The following KHDRBS2 variants were observed in gnomAD, a reference collection of about 807,000 sequenced individuals.
KHDRBS2 encodes the protein KH RNA binding domain containing, signal transduction associated 2.
In KHDRBS2, 26 loss-of-function variants were observed where a neutral mutation model predicts 44.3. The ratio of observed to expected loss-of-function variants is 0.59; its 90% CI spans 0.43 to 0.81. The LOEUF (loss-of-function observed/expected upper bound fraction) is 0.81. KHDRBS2 is among the 40% of genes least tolerant of loss of function. The probability of loss-of-function intolerance (pLI) is 0.00; values close to 1 mark genes in which losing one functional copy is unlikely to be tolerated. For synonymous variants in KHDRBS2, 194 were observed against 151.1 expected (o/e 1.28, Z -2.08); for missense variants, 476 against 433.1 (o/e 1.10, Z -0.88).
intron 2 of KHDRBS2, among the ~76,000 whole-genome samples, chr6:62,153,045 C>A (rs1815569850): frequency 6.6e-6 from 1 of 152,166 alleles, no homozygotes; most frequent in Non-Finnish European, 1.5e-5. Context: ...GGAGGGGAAA[C>A]CCTGGATTTT....
At chr6:61,561,193 C>T in the KHDRBS2 span, among the ~76,000 whole-genome samples, 1 of 151,668 alleles carries the variant, frequency 6.6e-6, no homozygotes, top group Non-Finnish European at 1.5e-5. Flanking sequence ...GAGACTCTCT[C>T]TCTCTCTCTC....
intron 4 of KHDRBS2, among the ~76,000 whole-genome samples, chr6:61,901,601 C>T (rs193052511): frequency 1.3e-5 from 2 of 152,200 alleles, no homozygotes; most frequent in Admixed American, 6.5e-5. Flanking sequence ...AAGTACTCAG[C>T]AGGACATCAC....
the KHDRBS2 span, among the ~76,000 whole-genome samples, chr6:61,663,238 C>G: frequency 1.3e-4 from 12 of 92,254 alleles, no homozygotes; most frequent in Non-Finnish European, 2.1e-4. Context: ...CATCACACAC[C>G]AGGGCCTGTT....
intron 3 of KHDRBS2, among the ~76,000 whole-genome samples, chr6:62,041,623 A>G (rs1178970535): frequency 1.3e-5 from 2 of 152,146 alleles, no homozygotes; most frequent in Admixed American, 1.3e-4. Context: ...ACAAGTTACT[A>G]TACAAGTAGC....
chr6:61,927,046 T>C (rs971273021), intron 4 of KHDRBS2, among the ~76,000 whole-genome samples: 7 of 152,126 alleles, frequency 4.6e-5, no homozygotes, highest in African/African-American at 1.7e-4. Flanking sequence ...TGACCCTATG[T>C]CACTCAGAAG....
intron 1 of KHDRBS2, among the ~76,000 whole-genome samples, chr6:62,235,580 G>C (rs1358015005): frequency 6.6e-6 from 1 of 151,914 alleles, no homozygotes; most frequent in African/African-American, 2.4e-5. Context: ...TATTTTTAAA[G>C]TCTGTCCCAG....
Position 62,241,693 on chromosome 6 carries a change from GT to G in KHDRBS2, c.91+44164del, listed in dbSNP as rs542073511. 5.0e-3 allele frequency among the ~76,000 whole-genome samples: 737 copies of G among 148,652 alleles called. 1 individual carries two copies. Among genetic ancestry groups the G allele is most frequent in the Non-Finnish European group, 7.5e-3 (510 of 67,966 alleles). On this transcript the variant is annotated intron_variant, in intron 1 of 8. Transcript: ENST00000281156. ...AATTACTGAAATATATTATGTCTAA[GT>G]TTTTATTTGACCACAGGGATAATAA... is the stretch of plus-strand genomic sequence containing the variant.
chr6:62,197,171 A>G (rs1335603529), intron 1 of KHDRBS2, among the ~76,000 whole-genome samples: 2 of 152,146 alleles, frequency 1.3e-5, no homozygotes, highest in East Asian at 3.9e-4. Flanking sequence ...AAAAATGGGT[A>G]TTAAATTATA....
intron 4 of KHDRBS2, among the ~76,000 whole-genome samples, chr6:61,932,058 A>G (rs1810157819): frequency 6.6e-6 from 1 of 152,276 alleles, no homozygotes; most frequent in African/African-American, 2.4e-5. Flanking sequence ...AAATGTGTCA[A>G]TTGACATTTT....
chr6:61,768,022 G>C (rs1384307809), intron 6 of KHDRBS2, among the ~76,000 whole-genome samples: 1 of 152,020 alleles, frequency 6.6e-6, no homozygotes, highest in Admixed American at 6.6e-5. Context: ...CTTTCAGATT[G>C]AAGAACTTCC....
intron 3 of KHDRBS2, among the ~76,000 whole-genome samples, chr6:62,037,376 C>A (rs1427175410): frequency 6.6e-6 from 1 of 150,732 alleles, no homozygotes; most frequent in Non-Finnish European, 1.5e-5. Context: ...AAATCTCTCA[C>A]ACATTCAAGA....
chr6:62,169,016 T>C (rs1160455225), intron 2 of KHDRBS2, among the ~76,000 whole-genome samples: 2 of 128,918 alleles, frequency 1.6e-5, no homozygotes, highest in South Asian at 2.5e-4. Context: ...ATGTTAAGAA[T>C]AGTGTTTGTT....
intron 3 of KHDRBS2, among the ~76,000 whole-genome samples, chr6:61,981,420 A>G (rs1218753991): frequency 6.6e-6 from 1 of 150,750 alleles, no homozygotes; most frequent in Non-Finnish European, 1.5e-5. Flanking sequence ...TCACATCTTT[A>G]ATTATTTATG....
At chr6:61,996,176 C>T (rs574077875) in intron 3 of KHDRBS2, among the ~76,000 whole-genome samples, 1 of 152,194 alleles carries the variant, frequency 6.6e-6, no homozygotes, top group Non-Finnish European at 1.5e-5. Flanking sequence ...TGTTTTAATA[C>T]TTTATAAAAG....
chr6:62,021,995 T>C (rs1017134001), intron 3 of KHDRBS2, among the ~76,000 whole-genome samples: 6 of 149,276 alleles, frequency 4.0e-5, no homozygotes, highest in Non-Finnish European at 4.5e-5. Context: ...ATATTATATA[T>C]ACACACACTA....
At chr6:61,564,584 G>A in the KHDRBS2 span, among the ~76,000 whole-genome samples, 1 of 152,002 alleles carries the variant, frequency 6.6e-6, no homozygotes, top group African/African-American at 2.4e-5. Context: ...TAAAGTTGAG[G>A]ATAGTATCAA....
At chr6:62,108,781 T>A (rs573780912) in intron 2 of KHDRBS2, among the ~76,000 whole-genome samples, 2 of 152,204 alleles carry the variant, frequency 1.3e-5, no homozygotes, top group East Asian at 3.9e-4. Flanking sequence ...AAATGATGAG[T>A]TCATGTCCTT....
intron 4 of KHDRBS2, among the ~76,000 whole-genome samples, chr6:61,946,900 G>A (rs1372507750): frequency 2.0e-5 from 3 of 152,138 alleles, no homozygotes; most frequent in Non-Finnish European, 4.4e-5. Context: ...AAGTCAGCAG[G>A]CTAGGAAATA....
chr6:61,637,436 TTG>T, the KHDRBS2 span, among the ~76,000 whole-genome samples: 1 of 152,186 alleles, frequency 6.6e-6, no homozygotes, highest in African/African-American at 2.4e-5. Flanking sequence ...TCTATCATTG[TTG>T]GACATTTGGG....
Sources: allele counts gnomAD v4.1 joint callset (sites outside exome capture counted in the v4.1 genomes callset), GRCh38; gene constraint gnomAD v4.1.1; transcripts MANE v1.5; gene names NCBI Gene and HGNC (gene_info 2026-07-23, HGNC 2026-07-21).